PCCB: variants seen among roughly 807,000 people sequenced by gnomAD.
PCCB encodes propionyl-CoA carboxylase beta chain, mitochondrial.
Under a neutral mutation model 60.7 loss-of-function variants are expected in PCCB, and 43 were observed. That is an observed-to-expected ratio of 0.71 (90% CI 0.55 to 0.91). The LOEUF (loss-of-function observed/expected upper bound fraction) is 0.91, where lower values mean the gene tolerates loss of function less well. Among genes scored for constraint, PCCB ranks in the 40% least tolerant of loss-of-function variants. PCCB has a pLI of 0.00. For synonymous variants in PCCB, 276 were observed against 255.9 expected (o/e 1.08, Z -0.75); for missense variants, 766 against 702.8 (o/e 1.09, Z -1.02).
At position 136,255,864 on chromosome 3, in the gene PCCB, A is replaced by G. The variant is rs1215838918; in HGVS notation, c.192A>G (p.Leu64=). The change falls in exon 2 of 15, where the codon CTA becomes CTG. Residue 64 remains leucine, a synonymous_variant. Transcript: ENST00000251654. ...TCTTTGTTCCATTGTAGGGAAAGCT[A>G]ACAGCCAGGGAGAGGATCAGTCTCT... The part of the protein sequence containing the change: ...RIDAQHKRGK[L]TARERISLLL... 2.5e-6 allele frequency: 4 copies of G among 1,613,948 alleles called. No individual in the cohort carries two copies. The highest frequency in any genetic ancestry group is 1.7e-5 in the Admixed American group (1 of 60,014).
intron 10 of PCCB, among the ~76,000 whole-genome samples, chr3:136,317,346 C>A (rs553497092): frequency 6.6e-6 from 1 of 150,566 alleles, no homozygotes. Context: ...CTCGGCCTCC[C>A]GAGTAGCTGG....
intron 9 of PCCB, among the ~76,000 whole-genome samples, chr3:136,309,793 C>G (rs1309480430): frequency 1.3e-5 from 2 of 150,310 alleles, no homozygotes; most frequent in Non-Finnish European, 3.0e-5. Flanking sequence ...CATAGTGAGA[C>G]CCTGTCTCAA....
intron 5 of PCCB, among the ~76,000 whole-genome samples, chr3:136,264,534 A>T (rs1941926269): frequency 6.6e-6 from 1 of 150,566 alleles, no homozygotes; most frequent in Admixed American, 6.6e-5. Flanking sequence ...ATCTTTTTTG[A>T]TCTGGAGCAG....
chr3:136,294,222 G>GTA (rs1232637047), intron 7 of PCCB, among the ~76,000 whole-genome samples: 1 of 152,088 alleles, frequency 6.6e-6, no homozygotes, highest in Non-Finnish European at 1.5e-5. Flanking sequence ...TCTAAGGTTG[G>GTA]TATATATCTT....
At chr3:136,281,105 G>T (rs1272529517) in intron 5 of PCCB, among the ~76,000 whole-genome samples, 1 of 151,996 alleles carries the variant, frequency 6.6e-6, no homozygotes, top group Non-Finnish European at 1.5e-5. Context: ...TCTCCGTGTA[G>T]ATCTCTTTGA....
intron 1 of PCCB, 181 bp from the exon 2 acceptor site, chr3:136,255,675 T>C: frequency 3.1e-6 from 2 of 646,210 alleles, no homozygotes; most frequent in Admixed American, 2.2e-5. Flanking sequence ...TGTCCTGATT[T>C]CCATGTCATC....
At chr3:136,250,949 G>A (rs1466880549) in intron 1 of PCCB, among the ~76,000 whole-genome samples, 1 of 152,120 alleles carries the variant, frequency 6.6e-6, no homozygotes, top group Non-Finnish European at 1.5e-5. Context: ...GCTTATTCTC[G>A]TGCCCCATGA....
intron 5 of PCCB, among the ~76,000 whole-genome samples, chr3:136,273,129 A>G (rs1344118426): frequency 6.6e-6 from 1 of 152,124 alleles, no homozygotes; most frequent in Non-Finnish European, 1.5e-5. Context: ...AGTTTTGAGC[A>G]TTTCTTTTGG....
rs187600946 is a variant in PCCB, at chr3:136,262,511, C to T, written c.543+446C>T. On this transcript the variant is annotated intron_variant, in intron 5 of 14. Transcript: ENST00000251654. ...AAAGAAGAATGAAATCACCCCAGAT[C>T]CTACCATTCAGAAACATTTGGCGAA... Among the ~76,000 whole-genome samples, 455 of 152,232 alleles carry T rather than the reference C, an allele frequency of 3.0e-3. 6 individuals are homozygous for T. The highest frequency in any genetic ancestry group is 9.7e-3 in the African/African-American group (403 of 41,538).
At position 136,250,534 on chromosome 3, in the gene PCCB, C is replaced by A; in HGVS notation, c.159C>A (p.Arg53=). Residue 53 remains arginine, a synonymous_variant, in exon 1 of 15, where the codon CGC becomes CGA. Transcript: ENST00000251654. ...RRTALLGGGQ[R]RIDAQHKRGK... is the part of the protein sequence containing the mutation. ...CCGCGCTGCTGGGAGGGGGCCAACG[C>A]CGTATTGACGCGCAGCACAAGCGAG... is the stretch of plus-strand genomic sequence containing the variant. 6.2e-7 allele frequency: 1 copy of A among 1,612,740 alleles called. No individual in the cohort carries two copies. Among genetic ancestry groups the A allele is most frequent in the Non-Finnish European group, 8.5e-7 (1 of 1,179,718 alleles).
At chr3:136,254,342 C>A (rs1941606414) in intron 1 of PCCB, among the ~76,000 whole-genome samples, 1 of 151,580 alleles carries the variant, frequency 6.6e-6, no homozygotes, top group Non-Finnish European at 1.5e-5. Flanking sequence ...CCTCAGCCTC[C>A]CGAGTAGCTG....
intron 9 of PCCB, among the ~76,000 whole-genome samples, chr3:136,312,727 A>G (rs766151070): frequency 6.6e-6 from 1 of 152,310 alleles, no homozygotes; most frequent in East Asian, 1.9e-4. Flanking sequence ...CTGTAACTCA[A>G]CTAGTTTCAG....
intron 2 of PCCB, chr3:136,256,284 AGTG>A (rs375892326): frequency 1.3e-4 from 76 of 571,248 alleles, no homozygotes; most frequent in East Asian, 9.1e-4. Context: ...AGCATAGAGA[AGTG>A]GTGGCCCTGG....
chr3:136,260,552 C>A lies in PCCB; in HGVS notation c.429+17C>A, dbSNP rs1232018586. 4 of 1,597,228 alleles carry A rather than the reference C, an allele frequency of 2.5e-6. No individual in the cohort carries two copies. The East Asian group carries it at 8.9e-5, about 36-fold the overall frequency. ...ATCTGCAAAGTAAGTGTTTAATACT[C>A]AAATTCAATCCATTGCTTTCCTCAG... On this transcript the variant is annotated intron_variant, in intron 4 of 14. Coordinates refer to ENST00000251654, the MANE Select transcript of PCCB (RefSeq NM_000532.5).
intron 10 of PCCB, 112 bp from the exon 11 acceptor site, chr3:136,326,691 G>A: frequency 1.3e-6 from 1 of 797,780 alleles, no homozygotes; most frequent in Non-Finnish European, 2.3e-6. Context: ...ACAAAGAAGT[G>A]TTGGTGCCTC....
In PCCB at chr3:136,256,551, G is replaced by A. The variant is rs1178341565; in HGVS notation, c.304-4G>A. Reference sequence around the variant, plus strand: ...TAACCTTTATTTTTGCATTTTTCTGGTAGTTTCCTGGAGACAGCGTGGTCA... The same window carrying A: ...TAACCTTTATTTTTGCATTTTTCTGATAGTTTCCTGGAGACAGCGTGGTCA... On this transcript the variant is annotated splice_polypyrimidine_tract_variant and splice_region_variant and intron_variant, in intron 2 of 14. Transcript: ENST00000251654. 1 of 1,609,172 alleles carries A rather than the reference G, an allele frequency of 6.2e-7. No individual in the cohort carries two copies.
intron 5 of PCCB, among the ~76,000 whole-genome samples, chr3:136,268,754 G>A (rs1942106946): frequency 1.3e-5 from 2 of 152,126 alleles, no homozygotes; most frequent in East Asian, 1.9e-4. Flanking sequence ...GTGAGCCACC[G>A]CACCCAGCCC....
intron 3 of PCCB, chr3:136,260,135 G>A: frequency 2.5e-6 from 1 of 400,052 alleles, no homozygotes; most frequent in Non-Finnish European, 4.7e-6. Flanking sequence ...ATACAGTGGT[G>A]CTGTCTCAAC....
intron 10 of PCCB, among the ~76,000 whole-genome samples, chr3:136,320,508 T>G (rs1935071495): frequency 6.6e-6 from 1 of 152,240 alleles, no homozygotes; most frequent in African/African-American, 2.4e-5. Context: ...TGCTGCTGTA[T>G]AGAAGCACAA....
Sources: gnomAD v4.1 joint callset for allele counts (sites outside exome capture counted in the v4.1 genomes callset) on GRCh38, gnomAD v4.1.1 for gene constraint, MANE v1.5 for transcripts, NCBI Gene and HGNC (gene_info 2026-07-23, HGNC 2026-07-21) for gene names.